MKX: variants seen among roughly 807,000 people sequenced by gnomAD.
MKX encodes the protein homeobox protein Mohawk.
MKX carries 13 observed loss-of-function variants against 36.0 expected under a neutral mutation model. The observed-to-expected ratio is 0.36, with a 90% CI of 0.24 to 0.57. The LOEUF (loss-of-function observed/expected upper bound fraction) is 0.57. Among genes scored for constraint, MKX ranks in the 20% least tolerant of loss-of-function variants. The pLI, the probability that MKX is intolerant of heterozygous loss-of-function variation, is 0.79. For synonymous variants in MKX, 176 were observed against 178.3 expected (o/e 0.99, Z 0.10); for missense variants, 458 against 456.4 (o/e 1.00, Z -0.03).
intron 5 of MKX, among the ~76,000 whole-genome samples, chr10:27,734,105 T>C (rs540884555): frequency 6.6e-5 from 10 of 152,228 alleles, no homozygotes; most frequent in South Asian, 4.1e-4. Flanking sequence ...CCCCTAAACA[T>C]TGTTATTCTG....
intron 5 of MKX, among the ~76,000 whole-genome samples, chr10:27,700,424 C>T (rs528158111): frequency 1.3e-5 from 2 of 152,310 alleles, no homozygotes; most frequent in South Asian, 4.1e-4. Flanking sequence ...GAGACTACAT[C>T]TTGGAGTAAT....
At chr10:27,722,655 C>T (rs746118042) in intron 5 of MKX, among the ~76,000 whole-genome samples, 2 of 152,130 alleles carry the variant, frequency 1.3e-5, no homozygotes, top group African/African-American at 2.4e-5. Context: ...TGGATAATTT[C>T]GTGTAGGTAA....
At chr10:27,736,368 A>G (rs2132644717) in intron 3 of MKX, among the ~76,000 whole-genome samples, 1 of 95,966 alleles carries the variant, frequency 1.0e-5, no homozygotes. Flanking sequence ...AAGACAAAGA[A>G]AAGCTACTTC....
At chr10:27,717,738 C>T (rs1342209454) in intron 5 of MKX, among the ~76,000 whole-genome samples, 2 of 152,186 alleles carry the variant, frequency 1.3e-5, no homozygotes, top group African/African-American at 4.8e-5. Flanking sequence ...TGATTTTTGC[C>T]CAGTGGCGAG....
chr10:27,735,401 C>A, intron 3 of MKX, 27 bp from the exon 4 acceptor site: 1 of 1,592,242 alleles, frequency 6.3e-7, no homozygotes, highest in Non-Finnish European at 8.6e-7. Context: ...TTTCAATTAA[C>A]AAAACTTAAA....
intron 3 of MKX, among the ~76,000 whole-genome samples, chr10:27,740,039 A>G (rs1834859941): frequency 6.6e-6 from 1 of 152,216 alleles, no homozygotes; most frequent in East Asian, 1.9e-4. Flanking sequence ...GCAAATCACT[A>G]TTAATACCAT....
chr10:27,690,031 T>G (rs1374545204), intron 5 of MKX, among the ~76,000 whole-genome samples: 1 of 152,178 alleles, frequency 6.6e-6, no homozygotes, highest in Non-Finnish European at 1.5e-5. Context: ...CCACCTAAAC[T>G]TAGAATACAA....
rs573224631 is a variant in MKX, at chr10:27,686,767, G to A, written c.839-11213C>T. The stretch of plus-strand genomic sequence containing the variant: ...GTTGGGATTACCAGCATGAGCCACC[G>A]TGCCCAGCCAACTCTTTTCCAAAAA... On this transcript the variant is annotated intron_variant, in intron 5 of 6. Coordinates refer to ENST00000419761, the MANE Select transcript of MKX (RefSeq NM_173576.3). Among the ~76,000 whole-genome samples the A allele has an allele frequency of 1.6e-3, 247 of 152,212 alleles. 1 individual carries two copies. The highest frequency in any genetic ancestry group is 5.6e-3 in the African/African-American group (232 of 41,546).
At chr10:27,731,844 C>T (rs2132635337) in intron 5 of MKX, among the ~76,000 whole-genome samples, 1 of 152,116 alleles carries the variant, frequency 6.6e-6, no homozygotes, top group East Asian at 1.9e-4. Context: ...AAAGAACATG[C>T]ATTTTCAGAA....
At chr10:27,693,731 C>T (rs1836495576) in intron 5 of MKX, among the ~76,000 whole-genome samples, 1 of 152,062 alleles carries the variant, frequency 6.6e-6, no homozygotes, top group African/African-American at 2.4e-5. Flanking sequence ...GAGAAATGGC[C>T]AATGAATGTA....
intron 3 of MKX, among the ~76,000 whole-genome samples, chr10:27,736,188 C>A (rs867816823): frequency 1.3e-5 from 2 of 152,008 alleles, no homozygotes; most frequent in Admixed American, 6.6e-5. Flanking sequence ...GCTTTGGAAA[C>A]CATTAGAGAT....
Position 27,744,546 on chromosome 10 carries a change from T to TA in MKX, c.-82-1050dup, listed in dbSNP as rs1835003806. ...CCGCGCGGCCGCGGAGCCGCAGAGT[T>TA]ACAGCCCCAAGGCGCGCGGCGGACT... On this transcript the variant is annotated intron_variant, in intron 1 of 6. Coordinates refer to ENST00000419761, the MANE Select transcript of MKX (RefSeq NM_173576.3). This position sits in a 1 kb window ranked among gnomAD's most constrained non-coding sequence, Gnocchi z 5.6. Among the ~76,000 whole-genome samples, 1 of 151,978 alleles carries TA rather than the reference T, an allele frequency of 6.6e-6. No homozygotes were observed. The highest frequency in any genetic ancestry group is 2.4e-5 in the African/African-American group (1 of 41,388).
intron 5 of MKX, among the ~76,000 whole-genome samples, chr10:27,707,027 G>A (rs959007982): frequency 6.6e-6 from 1 of 152,216 alleles, no homozygotes; most frequent in Admixed American, 6.5e-5. Flanking sequence ...ACTCACAGAA[G>A]AAAGGATTCT....
chr10:27,743,430 G>C lies in MKX; in HGVS notation c.-15C>G. 1 of 1,528,616 alleles carries C rather than the reference G, an allele frequency of 6.5e-7. No individual in the cohort carries two copies. The highest frequency in any genetic ancestry group is 1.4e-5 in the African/African-American group (1 of 71,094). The allele number at this position is 1,528,616 out of a possible 1,614,324, so 94.7% of individuals were successfully genotyped here. ...ATGGTGTTCATGGTGTCGGTTGGTA[G>C]GGACGCGCGGCGCGGCCGCAGAGCC... On this transcript the variant is annotated 5_prime_UTR_variant, in exon 2 of 7. Coordinates refer to ENST00000419761, the MANE Select transcript of MKX (RefSeq NM_173576.3).
chr10:27,678,703 C>A (rs1836199374), intron 5 of MKX, among the ~76,000 whole-genome samples: 2 of 152,134 alleles, frequency 1.3e-5, no homozygotes, highest in African/African-American at 2.4e-5. Flanking sequence ...GGCTCAGGTC[C>A]ACGGAGAGCT....
At chr10:27,731,949 G>A (rs544174172) in intron 5 of MKX, among the ~76,000 whole-genome samples, 1 of 151,790 alleles carries the variant, frequency 6.6e-6, no homozygotes, top group South Asian at 2.1e-4. Context: ...TAAAATAAAA[G>A]ATTACCAATT....
At position 27,689,370 on chromosome 10, in the gene MKX, T is replaced by C. The variant is rs117683711; in HGVS notation, c.839-13816A>G. Among the ~76,000 whole-genome samples, 94 of 152,356 alleles carry C rather than the reference T, an allele frequency of 6.2e-4. No homozygotes were observed. The East Asian group carries it at 0.017, about 27-fold the overall frequency. ...AAGTCTTTCTTCTACATTTTAAATATGCTGCAATGTTCTTAATAAACTTAA... is the reference window on the plus strand; with the variant it reads ...AAGTCTTTCTTCTACATTTTAAATACGCTGCAATGTTCTTAATAAACTTAA... On this transcript the variant is annotated intron_variant, in intron 5 of 6. Transcript: ENST00000419761.
rs112604762 is a variant in MKX at position 27,675,335 on chromosome 10, G to A, written c.953C>T (p.Ala318Val). Reference sequence around the variant, plus strand: ...TCCCTGCAGTTTGTCCTTTCCCTGTGCAAGATTTGTTAAGGCCATAGCTGC... The same window carrying A: ...TCCCTGCAGTTTGTCCTTTCCCTGTACAAGATTTGTTAAGGCCATAGCTGC... ...INAAMALTNL[A>V]QGKDKLQGTT... is the part of the protein sequence containing the mutation. Residue 318 changes from alanine (A) to valine (V), a missense_variant, in exon 7 of 7, where the codon GCA becomes GTA. Physicochemically the swap from Ala to Val is moderately conservative, Grantham distance 64. Coordinates refer to ENST00000419761, the MANE Select transcript of MKX (RefSeq NM_173576.3). 1.9e-6 allele frequency: 3 copies of A among 1,614,064 alleles called. No homozygotes were observed. The highest frequency in any genetic ancestry group is 2.5e-6 in the Non-Finnish European group (3 of 1,180,040).
chr10:27,692,162 T>G (rs1416232609), intron 5 of MKX, among the ~76,000 whole-genome samples: 1 of 152,216 alleles, frequency 6.6e-6, no homozygotes, highest in African/African-American at 2.4e-5. Context: ...AACACTTTTA[T>G]AAGAAAATAT....
Sources: gnomAD v4.1 joint callset for allele counts (sites outside exome capture counted in the v4.1 genomes callset) on GRCh38, gnomAD v4.1.1 for gene constraint, Gnocchi (gnomAD v3.1) non-coding constraint, MANE v1.5 for transcripts, NCBI Gene and HGNC (gene_info 2026-07-23, HGNC 2026-07-21) for gene names.